Variants in NDFIP1 observed in about 807,000 individuals in gnomAD.
NDFIP1 encodes the protein Nedd4 family interacting protein 1.
NDFIP1 carries 7 observed loss-of-function variants against 28.8 expected under a neutral mutation model. The ratio of observed to expected loss-of-function variants is 0.24; its 90% CI spans 0.14 to 0.46. The LOEUF (loss-of-function observed/expected upper bound fraction) is 0.46. Among genes scored for constraint, NDFIP1 ranks in the 20% least tolerant of loss-of-function variants. The pLI is 0.99. For missense variants in NDFIP1, 194 were observed against 269.1 expected (o/e 0.72, Z 1.95); for synonymous variants, 92 against 101.0 (o/e 0.91, Z 0.53).
At chr5:142,137,101 T>C (rs902051119) in intron 4 of NDFIP1, among the ~76,000 whole-genome samples, 1 of 151,036 alleles carries the variant, frequency 6.6e-6, no homozygotes, top group Admixed American at 6.6e-5. Flanking sequence ...AAGCAGAGGT[T>C]GTAAGTATAC....
chr5:142,134,522 G>A (rs1171623817), intron 3 of NDFIP1, among the ~76,000 whole-genome samples: 4 of 152,214 alleles, frequency 2.6e-5, no homozygotes, highest in Middle Eastern at 3.4e-3. Context: ...CATTGCCACC[G>A]ACTTCCCTTT....
chr5:142,148,223 C>G (rs1757409817), intron 7 of NDFIP1, among the ~76,000 whole-genome samples: 2 of 152,094 alleles, frequency 1.3e-5, no homozygotes, highest in Admixed American at 1.3e-4. Context: ...TACAAATAAA[C>G]CAATCTTGAA....
chr5:142,115,944 G>A (rs1757062942), intron 1 of NDFIP1, among the ~76,000 whole-genome samples: 1 of 152,176 alleles, frequency 6.6e-6, no homozygotes, highest in South Asian at 2.1e-4. Flanking sequence ...CATTTACATT[G>A]TATTAAGTGT....
Position 142,140,639 on chromosome 5 carries a change from T to C in NDFIP1, c.562+10T>C, listed in dbSNP as rs956997030. 5.0e-6 allele frequency: 8 copies of C among 1,603,018 alleles called. No homozygotes were observed. The African/African-American group carries it at 8.1e-5, about 16-fold the overall frequency. ...GTGTTCCTTGTTTTAGGTAAGTGTT[T>C]TTAATGTAAGAAAAGGCAAGAAAAC... On this transcript the variant is annotated intron_variant, in intron 6 of 7. Transcript: ENST00000253814.
intron 1 of NDFIP1, among the ~76,000 whole-genome samples, chr5:142,114,746 C>T (rs906912282): frequency 3.3e-5 from 5 of 152,180 alleles, no homozygotes; most frequent in African/African-American, 1.2e-4. Flanking sequence ...CAGGATTTGT[C>T]AGTGTCGGGC....
chr5:142,112,096 T>C (rs1757019719), intron 1 of NDFIP1, among the ~76,000 whole-genome samples: 1 of 148,346 alleles, frequency 6.7e-6, no homozygotes, highest in African/African-American at 2.5e-5. Context: ...AAACAAAAAA[T>C]GGCCAGGCAA....
intron 3 of NDFIP1, among the ~76,000 whole-genome samples, chr5:142,133,360 G>A (rs547976373): frequency 6.6e-6 from 1 of 152,310 alleles, no homozygotes; most frequent in African/African-American, 2.4e-5. Context: ...CACATGCTTG[G>A]TACTGTGCTT....
At chr5:142,141,342 A>AG (rs1757328178) in intron 6 of NDFIP1, among the ~76,000 whole-genome samples, 2 of 151,062 alleles carry the variant, frequency 1.3e-5, no homozygotes, top group African/African-American at 4.9e-5. Flanking sequence ...CGCCCGGCTA[A>AG]TTTTTTTGTA....
intron 4 of NDFIP1, among the ~76,000 whole-genome samples, chr5:142,136,149 T>C (rs1757272295): frequency 6.6e-6 from 1 of 152,226 alleles, no homozygotes; most frequent in African/African-American, 2.4e-5. Flanking sequence ...AGGAATTAAA[T>C]GCCTTTGATG....
At chr5:142,138,479 T>G (rs1757296180) in intron 5 of NDFIP1, among the ~76,000 whole-genome samples, 1 of 152,232 alleles carries the variant, frequency 6.6e-6, no homozygotes, top group South Asian at 2.1e-4. Context: ...ATCCTCTGAT[T>G]TCAGATAAAT....
chr5:142,118,297 G>A (rs895038933), intron 1 of NDFIP1, among the ~76,000 whole-genome samples: 2 of 152,122 alleles, frequency 1.3e-5, no homozygotes, highest in Admixed American at 1.3e-4. Flanking sequence ...TAGTCGTCCT[G>A]TCTCCTTAGG....
chr5:142,138,595 G>T (rs567787100), intron 5 of NDFIP1, among the ~76,000 whole-genome samples: 14 of 152,256 alleles, frequency 9.2e-5, no homozygotes, highest in African/African-American at 2.6e-4. Context: ...TTTCTACGTA[G>T]TGCCACCTTA....
chr5:142,114,037 A>C (rs540521324), intron 1 of NDFIP1, among the ~76,000 whole-genome samples: 2 of 152,270 alleles, frequency 1.3e-5, no homozygotes, highest in East Asian at 3.9e-4. Context: ...AATATCTTTC[A>C]AGTCCCTGCT....
chr5:142,138,691 G>A (rs1757298023), intron 5 of NDFIP1, among the ~76,000 whole-genome samples: 1 of 152,080 alleles, frequency 6.6e-6, no homozygotes, highest in African/African-American at 2.4e-5. Flanking sequence ...CCCCCACATA[G>A]CTAATATGTA....
chr5:142,141,155 A>G (rs1408684694), intron 6 of NDFIP1, among the ~76,000 whole-genome samples: 1 of 149,110 alleles, frequency 6.7e-6, no homozygotes, highest in African/African-American at 2.5e-5. Flanking sequence ...CTATTTTACA[A>G]TAGGCAAGAG....
At chr5:142,116,473 AT>A (rs1250009855) in intron 1 of NDFIP1, among the ~76,000 whole-genome samples, 1 of 151,620 alleles carries the variant, frequency 6.6e-6, no homozygotes. Context: ...GTTTGAAGCC[AT>A]TCTCCTGCCT....
At chr5:142,138,392 T>C (rs1197233947) in intron 5 of NDFIP1, among the ~76,000 whole-genome samples, 1 of 152,242 alleles carries the variant, frequency 6.6e-6, no homozygotes, top group Non-Finnish European at 1.5e-5. Context: ...TGTATGTCTT[T>C]AGTGACTTCA....
At chr5:142,130,520 A>G (rs1757216764) in intron 1 of NDFIP1, among the ~76,000 whole-genome samples, 1 of 152,150 alleles carries the variant, frequency 6.6e-6, no homozygotes, top group African/African-American at 2.4e-5. Flanking sequence ...TTATTTTTCT[A>G]ACTTTAAAAA....
At chr5:142,122,194 C>G (rs1338264450) in intron 1 of NDFIP1, among the ~76,000 whole-genome samples, 1 of 152,212 alleles carries the variant, frequency 6.6e-6, no homozygotes. Context: ...CCTTTCCAGT[C>G]ACTCTCCTCC....
Sources: allele counts gnomAD v4.1 joint callset (sites outside exome capture counted in the v4.1 genomes callset), GRCh38; gene constraint gnomAD v4.1.1; transcripts MANE v1.5; gene names NCBI Gene and HGNC (gene_info 2026-07-23, HGNC 2026-07-21).